SYN3: variants seen among roughly 807,000 people sequenced by gnomAD.
The protein encoded by SYN3 is synapsin III.
SYN3 carries 35 observed loss-of-function variants against 65.8 expected under a neutral mutation model. The ratio of observed to expected loss-of-function variants is 0.53; its 90% CI spans 0.41 to 0.70. The LOEUF is 0.70. Among genes scored for constraint, SYN3 ranks in the 30% least tolerant of loss-of-function variants. SYN3 has a pLI of 0.00. For synonymous variants in SYN3, 270 were observed against 292.9 expected (o/e 0.92, Z 0.80); for missense variants, 680 against 749.0 (o/e 0.91, Z 1.08).
rs911198700 is a variant in SYN3 at position 32,605,042 on chromosome 22, C to CT, written c.712-8307dup. On this transcript the variant is annotated intron_variant, in intron 6 of 13. Transcript: ENST00000358763. The stretch of plus-strand genomic sequence containing the variant: ...AAAAAAAAAAGAATTATACATTCAT[C>CT]TTTTTTTTAACTGTCTGTTTCTCCA... Among the ~76,000 whole-genome samples the CT allele has an allele frequency of 4.7e-5, 7 of 148,522 alleles. 1 individual carries two copies. The South Asian group carries it at 6.4e-4, about 14-fold the overall frequency.
chr22:32,949,282 C>A (rs941120096), intron 3 of SYN3, among the ~76,000 whole-genome samples: 1 of 151,828 alleles, frequency 6.6e-6, no homozygotes. Context: ...GTGGTGTGCA[C>A]CTGTAGACCC....
rs1428536875 is a variant in SYN3 at position 32,512,770 on chromosome 22, A to T, written c.*922T>A. On this transcript the variant is annotated 3_prime_UTR_variant, in exon 14 of 14. Coordinates refer to ENST00000358763, the MANE Select transcript of SYN3 (RefSeq NM_003490.4). Reference sequence around the variant, plus strand: ...TGACTATCATTGCACTTCGGATCCTATGTCATTGATCTGTTGATTCTCTCT... The same window carrying T: ...TGACTATCATTGCACTTCGGATCCTTTGTCATTGATCTGTTGATTCTCTCT... The T allele has an allele frequency of 6.6e-6, 1 of 152,216 alleles. No homozygotes were observed. Among genetic ancestry groups the T allele is most frequent in the East Asian group, 1.9e-4 (1 of 5,202 alleles). 9.4% of individuals were successfully genotyped at this position (152,216 alleles called of 1,614,324 possible). A position where few individuals can be genotyped will look rare whatever the true frequency, so the allele number is the denominator to read the frequency against.
At chr22:32,988,575 A>G (rs1418702216) in intron 2 of SYN3, among the ~76,000 whole-genome samples, 1 of 152,000 alleles carries the variant, frequency 6.6e-6, no homozygotes, top group African/African-American at 2.4e-5. Flanking sequence ...GGGGCTTACT[A>G]CCTAATGGGA....
At chr22:32,723,409 T>C (rs1407042668) in intron 6 of SYN3, among the ~76,000 whole-genome samples, 1 of 152,238 alleles carries the variant, frequency 6.6e-6, no homozygotes, top group Non-Finnish European at 1.5e-5. Flanking sequence ...TACTTTCATA[T>C]ACACTAAACA....
chr22:32,791,877 T>A (rs1438110345), intron 6 of SYN3, among the ~76,000 whole-genome samples: 1 of 152,112 alleles, frequency 6.6e-6, no homozygotes, highest in African/African-American at 2.4e-5. Flanking sequence ...GACTATCAAA[T>A]TTTTTTATTC....
intron 3 of SYN3, among the ~76,000 whole-genome samples, chr22:32,949,767 T>C (rs1321682324): frequency 6.6e-6 from 1 of 152,170 alleles, no homozygotes; most frequent in East Asian, 1.9e-4. Context: ...GTGATTGTAA[T>C]CATCATCATA....
At chr22:33,047,487 C>G (rs1295426259) in intron 1 of SYN3, among the ~76,000 whole-genome samples, 1 of 152,186 alleles carries the variant, frequency 6.6e-6, no homozygotes, top group Non-Finnish European at 1.5e-5. Context: ...ACATTTAATT[C>G]AGCTGTTGGT....
intron 13 of SYN3, among the ~76,000 whole-genome samples, chr22:32,514,839 A>AC (rs1341069980): frequency 1.3e-5 from 2 of 152,228 alleles, no homozygotes; most frequent in Non-Finnish European, 2.9e-5. Context: ...ACACGGTGAA[A>AC]CCCCGTCTCT....
Position 32,801,535 on chromosome 22 carries a change from C to T in SYN3, c.711+63380G>A, listed in dbSNP as rs1219934329. ...TATTCCCTATAAGGATCTGAACGAT[C>T]CGGGGGCGGCCCCGCCCCGTTACCC... is the stretch of plus-strand genomic sequence containing the variant. On this transcript the variant is annotated intron_variant, in intron 6 of 13. Transcript: ENST00000358763. The surrounding 1 kb of genome is among the most constrained non-coding windows in gnomAD (Gnocchi z 4.7). 1.3e-5 allele frequency among the ~76,000 whole-genome samples: 2 copies of T among 152,200 alleles called. No homozygotes were observed. Among genetic ancestry groups the T allele is most frequent in the Admixed American group, 6.5e-5 (1 of 15,292 alleles).
chr22:32,547,379 C>G (rs984251610), intron 7 of SYN3, among the ~76,000 whole-genome samples: 1 of 152,120 alleles, frequency 6.6e-6, no homozygotes, highest in Non-Finnish European at 1.5e-5. Flanking sequence ...TTATCTTTCT[C>G]CAGCCTCTCC....
intron 6 of SYN3, among the ~76,000 whole-genome samples, chr22:32,639,555 G>T (rs900524303): frequency 6.6e-6 from 1 of 151,818 alleles, no homozygotes; most frequent in Non-Finnish European, 1.5e-5. Flanking sequence ...TTTGAGACAC[G>T]TTCTTACTCT....
At chr22:32,926,669 TG>T (rs1224360403) in intron 4 of SYN3, among the ~76,000 whole-genome samples, 1 of 152,240 alleles carries the variant, frequency 6.6e-6, no homozygotes, top group African/African-American at 2.4e-5. Context: ...ATGTCTTGAA[TG>T]GAAAACATTT....
intron 6 of SYN3, among the ~76,000 whole-genome samples, chr22:32,619,131 C>G (rs565219505): frequency 6.6e-6 from 1 of 152,144 alleles, no homozygotes; most frequent in African/African-American, 2.4e-5. Context: ...ACTCTCAGGC[C>G]CCACCCCAGA....
At chr22:33,025,077 T>C (rs894105534) in intron 1 of SYN3, among the ~76,000 whole-genome samples, 4 of 152,180 alleles carry the variant, frequency 2.6e-5, no homozygotes, top group Non-Finnish European at 5.9e-5. Context: ...CAGTGGCTCA[T>C]GCCTGTAATC....
At chr22:32,872,317 T>C (rs901432556) in intron 4 of SYN3, among the ~76,000 whole-genome samples, 1 of 152,178 alleles carries the variant, frequency 6.6e-6, no homozygotes, top group African/African-American at 2.4e-5. Flanking sequence ...ATGAACATGA[T>C]GTGAAATGGC....
At chr22:32,983,443 A>G (rs2052428651) in intron 2 of SYN3, among the ~76,000 whole-genome samples, 1 of 151,964 alleles carries the variant, frequency 6.6e-6, no homozygotes, top group South Asian at 2.1e-4. Context: ...TCTGCTTCCA[A>G]AGTCTCTCTA....
chr22:32,760,876 T>C (rs766285561), intron 6 of SYN3, among the ~76,000 whole-genome samples: 9 of 152,170 alleles, frequency 5.9e-5, no homozygotes, highest in Non-Finnish European at 1.5e-5. Context: ...TAGAAGACTA[T>C]GATGGGCCAG....
At chr22:32,762,113 TGCAAGA>T (rs1348904064) in intron 6 of SYN3, among the ~76,000 whole-genome samples, 2 of 152,200 alleles carry the variant, frequency 1.3e-5, no homozygotes, top group African/African-American at 4.8e-5. Flanking sequence ...GAACCCTAAG[TGCAAGA>T]GAAGGGACTC....
intron 6 of SYN3, among the ~76,000 whole-genome samples, chr22:32,766,217 T>C (rs1459921125): frequency 6.6e-6 from 1 of 152,168 alleles, no homozygotes; most frequent in Non-Finnish European, 1.5e-5. Context: ...TGGAAGTGGG[T>C]ATGTGCTGAG....
Sources: allele counts gnomAD v4.1 joint callset (sites outside exome capture counted in the v4.1 genomes callset), GRCh38; gene constraint gnomAD v4.1.1; non-coding constraint Gnocchi (gnomAD v3.1); transcripts MANE v1.5; gene names NCBI Gene and HGNC (gene_info 2026-07-23, HGNC 2026-07-21).